The following RAPGEF1 variants were observed in gnomAD, a reference collection of about 807,000 sequenced individuals.
RAPGEF1 encodes the protein Rap guanine nucleotide exchange factor 1.
In RAPGEF1, 33 loss-of-function variants were observed where a neutral mutation model predicts 143.3. The observed-to-expected ratio is 0.23, with a 90% confidence interval of 0.17 to 0.31. The LOEUF (loss-of-function observed/expected upper bound fraction) is 0.31. RAPGEF1 is among the 10% of genes least tolerant of loss of function. The pLI, the probability that RAPGEF1 is intolerant of heterozygous loss-of-function variation, is 1.00. For missense variants in RAPGEF1, 1,199 were observed against 1,645.4 expected (o/e 0.73, Z 4.69); for synonymous variants, 629 against 676.5 (o/e 0.93, Z 1.09).
intron 1 of RAPGEF1, among the ~76,000 whole-genome samples, chr9:131,664,643 C>T (rs1830141826): frequency 6.6e-6 from 1 of 152,156 alleles, no homozygotes; most frequent in Non-Finnish European, 1.5e-5. Flanking sequence ...AGAATTGCTA[C>T]ACGAATATCA....
At chr9:131,640,129 A>C (rs1967445873) in intron 4 of RAPGEF1, among the ~76,000 whole-genome samples, 1 of 152,232 alleles carries the variant, frequency 6.6e-6, no homozygotes, top group Non-Finnish European at 1.5e-5. Context: ...AGGAAAGAGG[A>C]CGGAGAGGGG....
At position 131,583,974 on chromosome 9, in the gene RAPGEF1, C is replaced by T. The variant is rs920812863; in HGVS notation, c.3414+337G>A. On this transcript the variant is annotated intron_variant, in intron 24 of 26. Transcript: ENST00000683357. The surrounding 1 kb of genome is among the most constrained non-coding windows in gnomAD (Gnocchi z 4.7). ...TTCACAGTGCGTCCCCAGCACCTACCGCAGTGCCCGGCCCGAAGCAGACCC... is the reference window on the plus strand; with the variant it reads ...TTCACAGTGCGTCCCCAGCACCTACTGCAGTGCCCGGCCCGAAGCAGACCC... Among the ~76,000 whole-genome samples the T allele has an allele frequency of 5.9e-5, 9 of 152,336 alleles. No homozygotes were observed. The South Asian group carries it at 8.3e-4, about 14-fold the overall frequency.
At chr9:131,594,352 G>A (rs1954874861) in intron 17 of RAPGEF1, among the ~76,000 whole-genome samples, 1 of 152,364 alleles carries the variant, frequency 6.6e-6, no homozygotes, top group Admixed American at 6.5e-5. Context: ...GACAGGCTTG[G>A]CACACAGTTG....
intron 1 of RAPGEF1, among the ~76,000 whole-genome samples, chr9:131,690,372 A>C (rs936356383): frequency 2.6e-5 from 4 of 152,256 alleles, no homozygotes; most frequent in Admixed American, 2.6e-4. Context: ...GAAAATGGTA[A>C]AAGGTTTGTG....
intron 1 of RAPGEF1, among the ~76,000 whole-genome samples, chr9:131,666,602 C>G (rs1353733203): frequency 6.6e-6 from 1 of 151,884 alleles, no homozygotes; most frequent in East Asian, 1.9e-4. Flanking sequence ...CCAGGCTGGT[C>G]TCGAACTCCT....
At chr9:131,649,000 G>A (rs1234774723) in intron 3 of RAPGEF1, among the ~76,000 whole-genome samples, 3 of 151,896 alleles carry the variant, frequency 2.0e-5, no homozygotes, top group Admixed American at 2.0e-4. Flanking sequence ...CTGTCTACAA[G>A]GTTTATTTTA....
intron 3 of RAPGEF1, among the ~76,000 whole-genome samples, chr9:131,647,530 T>C (rs563783162): frequency 3.7e-4 from 56 of 152,292 alleles, no homozygotes; most frequent in African/African-American, 1.3e-3. Context: ...AGAATGTACG[T>C]AATCACTCCC....
intron 1 of RAPGEF1, among the ~76,000 whole-genome samples, chr9:131,661,534 G>A (rs1334182019): frequency 1.3e-5 from 2 of 152,076 alleles, no homozygotes; most frequent in Admixed American, 6.6e-5. Flanking sequence ...TTCAACTTGC[G>A]AAAATCCTGC....
At chr9:131,683,582 G>T (rs554584096) in intron 1 of RAPGEF1, among the ~76,000 whole-genome samples, 2 of 152,348 alleles carry the variant, frequency 1.3e-5, no homozygotes, top group South Asian at 4.1e-4. Context: ...GGCTGAGCAA[G>T]ACTGTGAACG....
chr9:131,651,909 C>T (rs1430850454), intron 1 of RAPGEF1, among the ~76,000 whole-genome samples: 6 of 152,198 alleles, frequency 3.9e-5, no homozygotes, highest in East Asian at 1.9e-4. Flanking sequence ...CTGTACAGTA[C>T]GGTACTGTAC....
At chr9:131,586,240 A>G (rs1166054967) in intron 22 of RAPGEF1, among the ~76,000 whole-genome samples, 1 of 145,082 alleles carries the variant, frequency 6.9e-6, no homozygotes, top group East Asian at 2.0e-4. Context: ...ACACCTGCAG[A>G]GCAAGACTCT....
In RAPGEF1 at chr9:131,630,906, G is replaced by A. The variant is rs1288286394; in HGVS notation, c.652-582C>T. On this transcript the variant is annotated intron_variant, in intron 5 of 26. Coordinates refer to ENST00000683357, the MANE Select transcript of RAPGEF1 (RefSeq NM_001377935.1). ...AAAGAAAAATAGCCTTTTTCAAATCGTAGCAAAAGAAAAAAAAGGGAAGAC... is the reference window on the plus strand; with the variant it reads ...AAAGAAAAATAGCCTTTTTCAAATCATAGCAAAAGAAAAAAAAGGGAAGAC... Among the ~76,000 whole-genome samples the A allele has an allele frequency of 4.7e-5, 7 of 149,784 alleles. No individual in the cohort carries two copies. The East Asian group carries it at 7.7e-4, about 17-fold the overall frequency.
At chr9:131,729,898 G>C (rs1482312746) in intron 1 of RAPGEF1, among the ~76,000 whole-genome samples, 1 of 152,160 alleles carries the variant, frequency 6.6e-6, no homozygotes, top group Non-Finnish European at 1.5e-5. Context: ...CCATACTTAT[G>C]ATAAGAAACA....
intron 1 of RAPGEF1, among the ~76,000 whole-genome samples, chr9:131,654,267 G>T (rs1475466789): frequency 6.6e-6 from 1 of 151,860 alleles, no homozygotes; most frequent in African/African-American, 2.4e-5. Context: ...CTTTTTGAAT[G>T]AATTGTATGA....
chr9:131,650,605 C>A lies in RAPGEF1; in HGVS notation c.201+205G>T, dbSNP rs1970839084. On this transcript the variant is annotated intron_variant, in intron 2 of 26. Coordinates refer to ENST00000683357, the MANE Select transcript of RAPGEF1 (RefSeq NM_001377935.1). The surrounding 1 kb of genome is among the most constrained non-coding windows in gnomAD (Gnocchi z 4.7). ...AGCTGGAAAAGGAGAACTGTCTTAG[C>A]CAACTGAGCTTGGCTAACGTGGCAA... Among the ~76,000 whole-genome samples, 1 of 152,172 alleles carries A rather than the reference C, an allele frequency of 6.6e-6. No individual in the cohort carries two copies. Among genetic ancestry groups the A allele is most frequent in the African/African-American group, 2.4e-5 (1 of 41,434 alleles).
In RAPGEF1 at chr9:131,629,216, A is replaced by T. The variant is rs765649745; in HGVS notation, c.779T>A (p.Ile260Asn). ...ELPLTDREVE[I>N]LNKTTGMSQS... ...TGACATCCCAGTCGTCTTGTTTAGG[A>T]TCTCTACCTCGCGGTCTGTCAGGGG... The change falls in exon 7 of 27, where the codon ATC (isoleucine) becomes AAC (asparagine). Residue 260 changes from isoleucine (I) to asparagine (N), a missense_variant. Transcript: ENST00000683357. 1 of 1,613,860 alleles carries T rather than the reference A, an allele frequency of 6.2e-7. No individual in the cohort carries two copies. Among genetic ancestry groups the T allele is most frequent in the East Asian group, 2.2e-5 (1 of 44,876 alleles).
intron 16 of RAPGEF1, 106 bp from the exon 17 acceptor site, chr9:131,596,479 C>G: frequency 9.1e-7 from 1 of 1,103,058 alleles, no homozygotes; most frequent in Non-Finnish European, 1.4e-6. Flanking sequence ...CCTGCAACCC[C>G]AAGTCCCCTC....
intron 4 of RAPGEF1, among the ~76,000 whole-genome samples, chr9:131,639,967 A>G (rs930335441): frequency 6.6e-6 from 1 of 152,256 alleles, no homozygotes; most frequent in Non-Finnish European, 1.5e-5. Context: ...ATGTTCCAAC[A>G]GGAGAAAAGG....
In RAPGEF1 at chr9:131,588,507, G is replaced by A. The variant is rs1388115111; in HGVS notation, c.3053+294C>T. On this transcript the variant is annotated intron_variant, in intron 20 of 26. Transcript: ENST00000683357. ...ACTGGCATCAACCACTGCCATGTTCGTGCTGGGACAACCCAGAACTGACCA... is the reference window on the plus strand; with the variant it reads ...ACTGGCATCAACCACTGCCATGTTCATGCTGGGACAACCCAGAACTGACCA... 2.0e-5 allele frequency among the ~76,000 whole-genome samples: 3 copies of A among 152,312 alleles called. No individual in the cohort carries two copies. The East Asian group carries it at 5.8e-4, about 29-fold the overall frequency.
Sources: gnomAD v4.1 joint callset for allele counts (sites outside exome capture counted in the v4.1 genomes callset) on GRCh38, gnomAD v4.1.1 for gene constraint, Gnocchi (gnomAD v3.1) non-coding constraint, MANE v1.5 for transcripts, NCBI Gene and HGNC (gene_info 2026-07-23, HGNC 2026-07-21) for gene names.